PRKN: variants seen among roughly 807,000 people sequenced by gnomAD.
PRKN encodes the protein parkin RBR E3 ubiquitin protein ligase.
In PRKN, 56 loss-of-function variants were observed where a neutral mutation model predicts 59.5. That is an observed-to-expected ratio of 0.94 (90% CI 0.76 to 1.18). The LOEUF is 1.18. PRKN is among the 50% of genes most tolerant of loss of function. The probability of loss-of-function intolerance (pLI) is 0.00; values close to 1 mark genes in which losing one functional copy is unlikely to be tolerated. For synonymous variants in PRKN, 250 were observed against 222.1 expected (o/e 1.13, Z -1.12); for missense variants, 657 against 596.4 (o/e 1.10, Z -1.06).
chr6:162,685,267 G>A (rs1454671059), intron 1 of PRKN, among the ~76,000 whole-genome samples: 2 of 152,126 alleles, frequency 1.3e-5, no homozygotes, highest in African/African-American at 4.8e-5. Context: ...TTACAGCACA[G>A]CTGGTCATGA....
chr6:162,225,325 A>C (rs1374221051), intron 3 of PRKN, among the ~76,000 whole-genome samples: 1 of 152,154 alleles, frequency 6.6e-6, no homozygotes, highest in Non-Finnish European at 1.5e-5. Flanking sequence ...CCTTTAAACC[A>C]ACACACCTAC....
chr6:161,666,700 G>GA (rs1784739726), intron 7 of PRKN, among the ~76,000 whole-genome samples: 1 of 152,086 alleles, frequency 6.6e-6, no homozygotes, highest in Admixed American at 6.6e-5. Context: ...TAAAGAAAAG[G>GA]AAAAAATAAA....
At chr6:162,556,344 TGTGTGTGTGTGTGTGTGTGTGTGTGTG>T (rs1562381782) in intron 1 of PRKN, among the ~76,000 whole-genome samples, 2,700 of 87,368 alleles carry the variant, frequency 0.031, 58 homozygotes, top group Non-Finnish European at 0.042. Context: ...ACTCAGCTGG[TGTGTGTGTGTGTGTGTGTGTGTGTGTG>T]TGTGTGTGTG....
chr6:162,484,704 G>T (rs1307680882), intron 1 of PRKN, among the ~76,000 whole-genome samples: 23 of 152,202 alleles, frequency 1.5e-4, no homozygotes. Flanking sequence ...CAGCTGCAGT[G>T]AGACGGGGCA....
chr6:162,682,804 G>GA (rs1002053247), intron 1 of PRKN, among the ~76,000 whole-genome samples: 24 of 151,364 alleles, frequency 1.6e-4, no homozygotes, highest in Middle Eastern at 6.8e-3. Context: ...TAAAAAAGAA[G>GA]AAAAAAAAGA....
rs1466845626 is a variant in PRKN at position 161,582,161 on chromosome 6, A to G, written c.872-12745T>C. Among the ~76,000 whole-genome samples the G allele has an allele frequency of 3.3e-5, 5 of 152,172 alleles. No homozygotes were observed. The highest frequency in any genetic ancestry group is 5.9e-5 in the Non-Finnish European group (4 of 68,036). On this transcript the variant is annotated intron_variant, in intron 7 of 11. Coordinates refer to ENST00000366898, the MANE Select transcript of PRKN (RefSeq NM_004562.3). This position sits in a 1 kb window ranked among gnomAD's most constrained non-coding sequence, Gnocchi z 4.4. ...TTCTAAATGGCTCTCTGGCTCACAG[A>G]AAGTAACAGTTTTAAAGGAGATATT...
chr6:162,687,938 A>C (rs1777632037), intron 1 of PRKN, among the ~76,000 whole-genome samples: 1 of 152,218 alleles, frequency 6.6e-6, no homozygotes, highest in South Asian at 2.1e-4. Flanking sequence ...AGAATAAAAA[A>C]AGGAACATTT....
chr6:161,942,989 C>A (rs776203790), intron 6 of PRKN, among the ~76,000 whole-genome samples: 9 of 152,112 alleles, frequency 5.9e-5, no homozygotes, highest in Non-Finnish European at 1.0e-4. Context: ...AATCTTTATT[C>A]TTATCTGGGT....
At position 161,518,852 on chromosome 6, in the gene PRKN, G is replaced by T. The variant is rs1236127157; in HGVS notation, c.1083+30002C>A. Among the ~76,000 whole-genome samples, 1 of 152,170 alleles carries T rather than the reference G, an allele frequency of 6.6e-6. No homozygotes were observed. The highest frequency in any genetic ancestry group is 2.1e-4 in the South Asian group (1 of 4,832). On this transcript the variant is annotated intron_variant, in intron 9 of 11. Transcript: ENST00000366898. The surrounding 1 kb of genome is among the most constrained non-coding windows in gnomAD (Gnocchi z 5.0). ...ACTGAATTGAGTCAAATAGAAAGCA[G>T]CTCTCACTCAGAGAGCAGCCCTCCA... is the stretch of plus-strand genomic sequence containing the variant.
intron 6 of PRKN, among the ~76,000 whole-genome samples, chr6:161,876,946 T>G (rs1158240609): frequency 6.6e-6 from 1 of 152,140 alleles, no homozygotes; most frequent in Non-Finnish European, 1.5e-5. Context: ...AATATTTGAT[T>G]TGCCATTTTT....
intron 7 of PRKN, among the ~76,000 whole-genome samples, chr6:161,661,547 C>T (rs1310620418): frequency 6.1e-5 from 6 of 98,130 alleles, no homozygotes; most frequent in African/African-American, 2.4e-4. Context: ...CCTCTGTCAC[C>T]TGCTTCCATT....
intron 1 of PRKN, among the ~76,000 whole-genome samples, chr6:162,488,745 C>T (rs769353675): frequency 4.6e-5 from 7 of 152,154 alleles, no homozygotes; most frequent in Admixed American, 2.0e-4. Flanking sequence ...AAGGCCCCGA[C>T]GCATAGCAAG....
intron 3 of PRKN, among the ~76,000 whole-genome samples, chr6:162,201,573 T>C (rs1299293158): frequency 2.0e-5 from 3 of 152,172 alleles, no homozygotes; most frequent in Admixed American, 2.0e-4. Flanking sequence ...CCGAGGAAGT[T>C]TGAAAAGATG....
intron 2 of PRKN, among the ~76,000 whole-genome samples, chr6:162,308,197 T>C (rs1236168186): frequency 1.3e-5 from 2 of 150,888 alleles, no homozygotes; most frequent in Non-Finnish European, 3.0e-5. Flanking sequence ...CCACGTTTTA[T>C]TTCCTGATCG....
chr6:162,512,697 T>C (rs1362463625), intron 1 of PRKN, among the ~76,000 whole-genome samples: 1 of 152,230 alleles, frequency 6.6e-6, no homozygotes, highest in Non-Finnish European at 1.5e-5. Context: ...ACTGGCTGCC[T>C]CTATGCTGTA....
intron 6 of PRKN, among the ~76,000 whole-genome samples, chr6:161,861,232 T>C (rs1403339429): frequency 3.3e-5 from 5 of 152,182 alleles, no homozygotes; most frequent in African/African-American, 9.7e-5. Context: ...CACCATGGAA[T>C]ACTATGCAGC....
intron 4 of PRKN, among the ~76,000 whole-genome samples, chr6:162,191,416 T>C (rs927922299): frequency 6.6e-6 from 1 of 152,124 alleles, no homozygotes; most frequent in African/African-American, 2.4e-5. Context: ...CTTCTAAGAA[T>C]TATCTTTTTC....
chr6:162,183,180 C>T (rs138659833), intron 4 of PRKN, among the ~76,000 whole-genome samples: 2 of 152,116 alleles, frequency 1.3e-5, no homozygotes, highest in Non-Finnish European at 2.9e-5. Context: ...AATGTGTTCT[C>T]ACATTGAGAA....
rs1783163551 is a variant in PRKN, at chr6:162,021,174, T to G, written c.618+32917A>C. On this transcript the variant is annotated intron_variant, in intron 5 of 11. Transcript: ENST00000366898. ...TATATATATATATATATAAAATATA[T>G]GTGTATATATATTATATATATAATA... is the stretch of plus-strand genomic sequence containing the variant. Among the ~76,000 whole-genome samples the G allele has an allele frequency of 3.4e-5, 2 of 58,668 alleles. 1 individual carries two copies. Among genetic ancestry groups the G allele is most frequent in the African/African-American group, 9.3e-5 (2 of 21,472 alleles). 38.5% of individuals were successfully genotyped at this position (58,668 alleles called of 152,430 possible).
Sources: gnomAD v4.1 joint callset for allele counts (sites outside exome capture counted in the v4.1 genomes callset) on GRCh38, gnomAD v4.1.1 for gene constraint, Gnocchi (gnomAD v3.1) non-coding constraint, MANE v1.5 for transcripts, NCBI Gene and HGNC (gene_info 2026-07-23, HGNC 2026-07-21) for gene names.